The following AFF3 variants were observed in gnomAD, a reference collection of about 807,000 sequenced individuals.
AFF3 encodes the protein AF4/FMR2 family member 3.
AFF3 carries 32 observed loss-of-function variants against 129.7 expected under a neutral mutation model. That is an observed-to-expected ratio of 0.25 (90% CI 0.19 to 0.33). The LOEUF (loss-of-function observed/expected upper bound fraction) is 0.33, where lower values mean the gene tolerates loss of function less well. AFF3 is among the 10% of genes least tolerant of loss of function. The pLI is 1.00. For synonymous variants in AFF3, 644 were observed against 635.4 expected, an observed-to-expected ratio of 1.01 and a Z score of -0.20; for missense variants, 1,373 against 1,592.0, an observed-to-expected ratio of 0.86 and a Z score of 2.34.
At chr2:99,598,136 A>G (rs1056850739) in intron 14 of AFF3, among the ~76,000 whole-genome samples, 4 of 152,160 alleles carry the variant, frequency 2.6e-5, no homozygotes, top group African/African-American at 9.7e-5. Flanking sequence ...AGTACACCCG[A>G]GCAATAGTAA....
At chr2:99,565,020 C>A (rs1032107418) in intron 20 of AFF3, among the ~76,000 whole-genome samples, 1 of 151,960 alleles carries the variant, frequency 6.6e-6, no homozygotes, top group African/African-American at 2.4e-5. Flanking sequence ...GGGATGGTGC[C>A]CATGTCCAGT....
At chr2:99,629,537 A>G (rs757461837) in intron 13 of AFF3, among the ~76,000 whole-genome samples, 30 of 152,226 alleles carry the variant, frequency 2.0e-4, no homozygotes, top group Non-Finnish European at 3.2e-4. Flanking sequence ...AGACCCGATT[A>G]CATAGACCCT....
intron 9 of AFF3, among the ~76,000 whole-genome samples, chr2:99,752,008 T>A (rs144408215): frequency 2.3e-3 from 343 of 152,360 alleles, no homozygotes; most frequent in African/African-American, 7.8e-3. Context: ...GTATCACATT[T>A]TGCAGAGAAG....
chr2:99,563,628 T>G (rs1421823737), intron 20 of AFF3, among the ~76,000 whole-genome samples: 1 of 150,758 alleles, frequency 6.6e-6, no homozygotes, highest in Admixed American at 6.6e-5. Context: ...CTGACCAACA[T>G]GGAGAAACCC....
intron 7 of AFF3, among the ~76,000 whole-genome samples, chr2:99,911,678 A>T (rs1299656443): frequency 6.6e-6 from 1 of 152,156 alleles, no homozygotes; most frequent in Non-Finnish European, 1.5e-5. Context: ...AGCAGCTGCC[A>T]TCATCTCCCT....
chr2:99,649,525 A>G, intron 13 of AFF3, 101 bp downstream of exon 13: 4 of 1,304,628 alleles, frequency 3.1e-6, no homozygotes, highest in Non-Finnish European at 4.4e-6. Flanking sequence ...CAGTTCAGAG[A>G]TACTTTAGGG....
intron 21 of AFF3, 34 bp from the exon 22 acceptor site, chr2:99,559,002 G>C: frequency 6.3e-7 from 1 of 1,597,428 alleles, no homozygotes; most frequent in Non-Finnish European, 8.6e-7. Context: ...CCCAGAAGCG[G>C]CTGAGTGCGT....
At chr2:99,882,278 A>G (rs1445184399) in intron 7 of AFF3, among the ~76,000 whole-genome samples, 1 of 152,196 alleles carries the variant, frequency 6.6e-6, no homozygotes, top group Non-Finnish European at 1.5e-5. Flanking sequence ...AATCTGCACA[A>G]GGGGGTTTCA....
At chr2:99,688,359 A>T (rs1675276791) in intron 11 of AFF3, among the ~76,000 whole-genome samples, 1 of 152,198 alleles carries the variant, frequency 6.6e-6, no homozygotes, top group Non-Finnish European at 1.5e-5. Flanking sequence ...AAAGTGGTTA[A>T]AATTCTGGCC....
At chr2:99,613,757 A>G (rs1271630860) in intron 13 of AFF3, among the ~76,000 whole-genome samples, 2 of 152,212 alleles carry the variant, frequency 1.3e-5, no homozygotes, top group Non-Finnish European at 2.9e-5. Context: ...TTCCTTAATA[A>G]TAGCAGCCTT....
chr2:99,685,670 G>A (rs1011834995), intron 11 of AFF3, among the ~76,000 whole-genome samples: 6 of 152,088 alleles, frequency 3.9e-5, no homozygotes, highest in African/African-American at 7.2e-5. Context: ...TGGAAGAAAC[G>A]AATCTTAAGT....
chr2:99,899,423 A>T (rs560927022), intron 7 of AFF3, among the ~76,000 whole-genome samples: 6 of 152,338 alleles, frequency 3.9e-5, no homozygotes, highest in Non-Finnish European at 7.4e-5. Context: ...AATCACTGTA[A>T]TATCAGATAT....
chr2:99,890,639 G>A (rs2106077541), intron 7 of AFF3, among the ~76,000 whole-genome samples: 1 of 152,254 alleles, frequency 6.6e-6, no homozygotes, highest in South Asian at 2.1e-4. Flanking sequence ...TCTCTCACAG[G>A]CTGCACACTA....
chr2:99,777,923 T>G (rs1317052417), intron 8 of AFF3, among the ~76,000 whole-genome samples: 1 of 102,114 alleles, frequency 9.8e-6, no homozygotes, highest in Non-Finnish European at 1.8e-5. Context: ...AAGCAGACCC[T>G]GGGGTACTTA....
chr2:99,813,421 T>G (rs1384706365), intron 8 of AFF3, among the ~76,000 whole-genome samples: 1 of 152,128 alleles, frequency 6.6e-6, no homozygotes, highest in Non-Finnish European at 1.5e-5. Context: ...ATTTACTAAA[T>G]TAAAAGAGGA....
chr2:99,667,906 C>T (rs1289763562), intron 12 of AFF3, among the ~76,000 whole-genome samples: 1 of 151,838 alleles, frequency 6.6e-6, no homozygotes, highest in Non-Finnish European at 1.5e-5. Context: ...CCTGTAATCC[C>T]AGCACTTTGG....
intron 7 of AFF3, among the ~76,000 whole-genome samples, chr2:99,977,858 G>A (rs897068561): frequency 6.6e-6 from 1 of 152,212 alleles, no homozygotes; most frequent in African/African-American, 2.4e-5. Flanking sequence ...CATCTGCAAT[G>A]CATGCCCCTT....
intron 7 of AFF3, among the ~76,000 whole-genome samples, chr2:99,860,656 A>G (rs1169757912): frequency 6.6e-6 from 1 of 152,064 alleles, no homozygotes; most frequent in Non-Finnish European, 1.5e-5. Context: ...TGAACCCAGG[A>G]GGTAGAGGTT....
chr2:99,824,002 A>G (rs984379660), intron 8 of AFF3, among the ~76,000 whole-genome samples: 4 of 152,174 alleles, frequency 2.6e-5, no homozygotes, highest in African/African-American at 7.2e-5. Flanking sequence ...CACTACCTAG[A>G]TGAGGGGATC....
Sources: gnomAD v4.1 joint callset for allele counts (sites outside exome capture counted in the v4.1 genomes callset) on GRCh38, gnomAD v4.1.1 for gene constraint, MANE v1.5 for transcripts, NCBI Gene and HGNC (gene_info 2026-07-23, HGNC 2026-07-21) for gene names.